Variants in TFEC observed in about 807,000 individuals in gnomAD.
TFEC encodes the protein transcription factor EC, also known as class E basic helix-loop-helix protein 34.
A neutral mutation model predicts 41.6 loss-of-function variants in TFEC; 31 were observed. That is an observed-to-expected ratio of 0.74 (90% CI 0.56 to 1.01). The LOEUF (loss-of-function observed/expected upper bound fraction) is 1.01. Ranked by LOEUF, TFEC falls within the 50% of genes least tolerant of loss-of-function variation. The pLI is 0.00. For synonymous variants in TFEC, 143 were observed against 140.6 expected (o/e 1.02, Z -0.12); for missense variants, 402 against 404.1 (o/e 0.99, Z 0.04).
chr7:116,138,817 T>C (rs1334205226), intron 1 of TFEC, among the ~76,000 whole-genome samples: 1 of 152,132 alleles, frequency 6.6e-6, no homozygotes, highest in African/African-American at 2.4e-5. Context: ...CTTGTTTAAT[T>C]TGAACTCTAA....
At position 115,936,479 on chromosome 7, in the gene TFEC, C is replaced by T. The variant is rs367587869; in HGVS notation, c.*4072G>A. 1.3e-4 allele frequency: 19 copies of T among 151,622 alleles called. No individual in the cohort carries two copies. The highest frequency in any genetic ancestry group is 2.6e-4 in the Admixed American group (4 of 15,200). 9.4% of individuals were successfully genotyped at this position (151,622 alleles called of 1,614,324 possible). A position where few individuals can be genotyped will look rare whatever the true frequency, so the allele number is the denominator to read the frequency against. On this transcript the variant is annotated 3_prime_UTR_variant, in exon 8 of 8. Transcript: ENST00000265440. ...TTTATTCCACATCTTACACATCAGA[C>T]GGTCAGTAAATACCTAAAGTGTTTG...
chr7:116,149,806 C>A lies in TFEC; in HGVS notation c.-69+9984G>T, dbSNP rs59423212. On this transcript the variant is annotated intron_variant, in intron 1 of 8. Coordinates refer to the TFEC transcript ENST00000484212. ...GCATTCCACATCCAACTAAATAAAA[C>A]AAAAACTCTTAATTTTCAGCCTTTT... is the stretch of plus-strand genomic sequence containing the variant. 1.8e-3 allele frequency among the ~76,000 whole-genome samples: 279 copies of A among 152,212 alleles called. 1 individual carries two copies. The highest frequency in any genetic ancestry group is 6.4e-3 in the African/African-American group (264 of 41,542).
chr7:115,951,638 G>A lies in TFEC; in HGVS notation c.440-689C>T, dbSNP rs1292224979. On this transcript the variant is annotated intron_variant, in intron 5 of 7. Transcript: ENST00000265440. ...CACACACTTAAAGATTCTAATTTTA[G>A]TGTGTCCTGGAAGTAGGGGGACAAG... Among the ~76,000 whole-genome samples the A allele has an allele frequency of 3.3e-5, 5 of 152,078 alleles. 1 individual carries two copies. Among genetic ancestry groups the A allele is most frequent in the African/African-American group, 1.2e-4 (5 of 41,438 alleles).
intron 3 of TFEC, among the ~76,000 whole-genome samples, chr7:116,071,204 T>A (rs1480716305): frequency 6.6e-6 from 1 of 151,288 alleles, no homozygotes; most frequent in African/African-American, 2.4e-5. Flanking sequence ...AAGAAAAATA[T>A]TCTTGACACA....
chr7:115,959,985 C>T (rs1006098518), intron 3 of TFEC, among the ~76,000 whole-genome samples: 53 of 151,044 alleles, frequency 3.5e-4, no homozygotes, highest in South Asian at 8.3e-4. Flanking sequence ...AATCAATGGG[C>T]GACAGTATTT....
At chr7:116,107,106 A>G (rs992154571) in intron 3 of TFEC, among the ~76,000 whole-genome samples, 2 of 152,224 alleles carry the variant, frequency 1.3e-5, no homozygotes, top group Non-Finnish European at 1.5e-5. Context: ...TAAGAGAACT[A>G]ATCACCTAGG....
chr7:116,097,305 A>C lies in TFEC; in HGVS notation c.198+13403T>G, dbSNP rs1476662645. On this transcript the variant is annotated intron_variant, in intron 3 of 8. Transcript: ENST00000484212. ...ACCCCCAGTAGCTGCCTGAAACTGCATTAGTACTGAACTCTACATTTACTA... is the reference window on the plus strand; with the variant it reads ...ACCCCCAGTAGCTGCCTGAAACTGCCTTAGTACTGAACTCTACATTTACTA... Among the ~76,000 whole-genome samples, 14 of 152,170 alleles carry C rather than the reference A, an allele frequency of 9.2e-5. No individual in the cohort carries two copies. The East Asian group carries it at 2.7e-3, about 29-fold the overall frequency.
At chr7:116,111,240 G>GA (rs1797849175) in intron 2 of TFEC, among the ~76,000 whole-genome samples, 1 of 151,874 alleles carries the variant, frequency 6.6e-6, no homozygotes, top group African/African-American at 2.4e-5. Flanking sequence ...ACAAAGGCAA[G>GA]AAAAAAAGTG....
chr7:116,151,053 A>G (rs1172683262), intron 1 of TFEC, among the ~76,000 whole-genome samples: 1 of 152,140 alleles, frequency 6.6e-6, no homozygotes, highest in Admixed American at 6.5e-5. Context: ...TCCTTTAGAA[A>G]GAATGCAGTG....
chr7:115,998,046 G>A (rs1444098645), intron 1 of TFEC, among the ~76,000 whole-genome samples: 2 of 152,024 alleles, frequency 1.3e-5, no homozygotes, highest in Admixed American at 6.6e-5. Context: ...TTATTCAAAT[G>A]GGTAATAACA....
At chr7:115,962,648 T>G (rs1375849744) in intron 3 of TFEC, among the ~76,000 whole-genome samples, 2 of 151,806 alleles carry the variant, frequency 1.3e-5, no homozygotes, top group African/African-American at 4.8e-5. Context: ...TGCAAAAGAA[T>G]GAAGTTAGAT....
At chr7:116,000,367 A>G (rs1794542582) in intron 1 of TFEC, among the ~76,000 whole-genome samples, 1 of 152,168 alleles carries the variant, frequency 6.6e-6, no homozygotes, top group African/African-American at 2.4e-5. Context: ...AGCAGGAAAA[A>G]AACTGAAATC....
intron 1 of TFEC, among the ~76,000 whole-genome samples, chr7:116,149,069 C>A (rs550534399): frequency 6.6e-6 from 1 of 152,090 alleles, no homozygotes; most frequent in South Asian, 2.1e-4. Context: ...GGCTAAGCAT[C>A]CAACTTAATG....
At chr7:116,024,924 G>T (rs535306820) in intron 1 of TFEC, among the ~76,000 whole-genome samples, 2 of 151,964 alleles carry the variant, frequency 1.3e-5, no homozygotes, top group East Asian at 3.9e-4. Context: ...TGTTGTTGCT[G>T]CTATGGTTTT....
chr7:116,147,424 C>CT lies in TFEC; in HGVS notation c.-69+12365dup, dbSNP rs570971562. ...ATCTTTTTATATTTTTTTTATTATA[C>CT]TTTAAGTTCTAGGGTACATGTGCAC... On this transcript the variant is annotated intron_variant, in intron 1 of 8. Coordinates refer to the TFEC transcript ENST00000484212. Among the ~76,000 whole-genome samples the CT allele has an allele frequency of 2.7e-3, 408 of 152,150 alleles. 2 individuals carry two copies. The highest frequency in any genetic ancestry group is 9.6e-3 in the African/African-American group (397 of 41,520).
chr7:116,016,954 T>C (rs1795215289), intron 1 of TFEC, among the ~76,000 whole-genome samples: 1 of 152,028 alleles, frequency 6.6e-6, no homozygotes, highest in Non-Finnish European at 1.5e-5. Flanking sequence ...TAGTCTTCCT[T>C]TATTCCTTCA....
intron 3 of TFEC, among the ~76,000 whole-genome samples, chr7:115,959,004 TA>T (rs1249153758): frequency 6.6e-6 from 1 of 151,864 alleles, no homozygotes; most frequent in Non-Finnish European, 1.5e-5. Flanking sequence ...AGAAAACTTC[TA>T]TCAACATTTG....
chr7:115,973,238 A>G (rs1020792727), intron 3 of TFEC, among the ~76,000 whole-genome samples: 6 of 151,950 alleles, frequency 3.9e-5, no homozygotes, highest in Non-Finnish European at 8.8e-5. Context: ...CTCTCATTAG[A>G]TAGTCTACTT....
At chr7:116,095,300 T>C (rs1223025569) in intron 3 of TFEC, among the ~76,000 whole-genome samples, 3 of 152,236 alleles carry the variant, frequency 2.0e-5, no homozygotes, top group African/African-American at 7.2e-5. Flanking sequence ...CTTCTAGTTA[T>C]GCAACTATAC....
Sources: allele counts gnomAD v4.1 joint callset (sites outside exome capture counted in the v4.1 genomes callset), GRCh38; gene constraint gnomAD v4.1.1; transcripts MANE v1.5; gene names NCBI Gene and HGNC (gene_info 2026-07-23, HGNC 2026-07-21).